The following CEP63 variants were observed in gnomAD, a reference collection of about 807,000 sequenced individuals.
The protein encoded by CEP63 is centrosomal protein 63.
A neutral mutation model predicts 89.1 loss-of-function variants in CEP63; 84 were observed. The observed-to-expected ratio is 0.94, with a 90% CI of 0.79 to 1.13. The LOEUF (loss-of-function observed/expected upper bound fraction) is 1.13, where lower values mean the gene tolerates loss of function less well. Ranked by LOEUF, CEP63 falls within the 50% of genes most tolerant of loss-of-function variation. The pLI, the probability that CEP63 is intolerant of heterozygous loss-of-function variation, is 0.00. For missense variants in CEP63, 838 were observed against 813.3 expected, an observed-to-expected ratio of 1.03 and a Z score of -0.37; for synonymous variants, 267 against 272.5, an observed-to-expected ratio of 0.98 and a Z score of 0.20.
At chr3:134,681,641 ATCCAT>A in the CEP63 span, among the ~76,000 whole-genome samples, 2 of 152,242 alleles carry the variant, frequency 1.3e-5, no homozygotes, top group East Asian at 3.9e-4. Context: ...TTTGGAGTTT[ATCCAT>A]TCCTGCGGAG....
chr3:134,677,345 T>TG, the CEP63 span, among the ~76,000 whole-genome samples: 12 of 152,354 alleles, frequency 7.9e-5, no homozygotes, highest in South Asian at 2.3e-3. Context: ...CATCCACACT[T>TG]GCTGTTTCCG....
the CEP63 span, among the ~76,000 whole-genome samples, chr3:134,596,573 A>C: frequency 6.6e-6 from 1 of 152,222 alleles, no homozygotes; most frequent in Admixed American, 6.5e-5. Flanking sequence ...GACCTGGTGA[A>C]ATGGGAACAT....
At chr3:134,488,714 G>A (rs1936559688) in intron 1 of CEP63, among the ~76,000 whole-genome samples, 1 of 152,190 alleles carries the variant, frequency 6.6e-6, no homozygotes, top group Non-Finnish European at 1.5e-5. Flanking sequence ...TGTCGGTGTT[G>A]AGAAATTGTC....
chr3:134,643,296 G>C, the CEP63 span: 1 of 1,613,042 alleles, frequency 6.2e-7, no homozygotes, highest in Non-Finnish European at 8.5e-7. Context: ...GGAGGTCACG[G>C]CTAGCGGCGA....
intron 10 of CEP63, among the ~76,000 whole-genome samples, chr3:134,585,554 A>G (rs1958466816): frequency 6.6e-6 from 1 of 152,104 alleles, no homozygotes; most frequent in Admixed American, 6.6e-5. Flanking sequence ...GTAGTCTGAG[A>G]GATAGTTTGT....
At chr3:134,697,281 C>T in the CEP63 span, among the ~76,000 whole-genome samples, 1 of 151,684 alleles carries the variant, frequency 6.6e-6, no homozygotes, top group Non-Finnish European at 1.5e-5. Context: ...TAAAGAAGAA[C>T]TTTTTTTTTG....
intron 3 of CEP63, among the ~76,000 whole-genome samples, chr3:134,516,598 CG>C (rs1559918373): frequency 1.3e-5 from 2 of 152,290 alleles, no homozygotes; most frequent in East Asian, 3.9e-4. Flanking sequence ...GAGGTCCCTG[CG>C]GCATTTGTGT....
intron 3 of CEP63, among the ~76,000 whole-genome samples, chr3:134,527,379 T>C (rs879590580): frequency 2.0e-5 from 3 of 152,076 alleles, no homozygotes; most frequent in Non-Finnish European, 2.9e-5. Flanking sequence ...TCTCTGTGCC[T>C]AGTTTCACTC....
chr3:134,531,793 G>A, intron 3 of CEP63, 52 bp from the exon 4 acceptor site: 2 of 1,217,536 alleles, frequency 1.6e-6, no homozygotes, highest in Non-Finnish European at 1.2e-6. Context: ...ATATCTCAGG[G>A]ATGTTATTTC....
At position 134,550,090 on chromosome 3, in the gene CEP63, C is replaced by A. The variant is rs756951738; in HGVS notation, c.1210C>A (p.Gln404Lys). ...GAAAGAACAGATTTTACAGGGTGAA[C>A]AAAGTTACAGTTCTGCACTAGAAGG... The part of the protein sequence containing the change: ...KLKEQILQGE[Q>K]SYSSALEGMK... The change falls in exon 11 of 15, where the codon CAA becomes AAA. Residue 404 changes from glutamine to lysine, a missense_variant. Transcript: ENST00000675561. 7 of 1,613,730 alleles carry A rather than the reference C, an allele frequency of 4.3e-6. No individual in the cohort carries two copies. The South Asian group carries it at 7.7e-5, about 18-fold the overall frequency.
chr3:134,495,204 G>A, intron 1 of CEP63, 92 bp from the exon 2 acceptor site: 2 of 902,440 alleles, frequency 2.2e-6, no homozygotes, highest in East Asian at 2.4e-5. Flanking sequence ...TCATTATTAT[G>A]TATGCTTTCA....
chr3:134,663,451 AG>A, the CEP63 span, among the ~76,000 whole-genome samples: 2 of 152,212 alleles, frequency 1.3e-5, no homozygotes, highest in Non-Finnish European at 2.9e-5. Context: ...AGTAAGGATA[AG>A]GCAGAGGCTG....
chr3:134,735,268 T>A, the CEP63 span, among the ~76,000 whole-genome samples: 2 of 152,140 alleles, frequency 1.3e-5, no homozygotes, highest in African/African-American at 2.4e-5. Context: ...CACAGATCAA[T>A]GAATTTGTTC....
Position 134,564,742 on chromosome 3 carries a change from T to TTA in CEP63, c.*3208_*3209dup, listed in dbSNP as rs1263555122. On this transcript the variant is annotated 3_prime_UTR_variant, in exon 15 of 15. Coordinates refer to ENST00000675561, the MANE Select transcript of CEP63 (RefSeq NM_001353108.3). Reference sequence around the variant, plus strand: ...GTTACATTCAGGAGATTTCTGAGTTTTAGACAGTCCCAAGCTTCAGCTTAA... The same window carrying TTA: ...GTTACATTCAGGAGATTTCTGAGTTTTATAGACAGTCCCAAGCTTCAGCTTAA... The TTA allele has an allele frequency of 2.0e-6, 2 of 985,348 alleles. No homozygotes were observed. Among genetic ancestry groups the TTA allele is most frequent in the Admixed American group, 1.2e-4 (2 of 16,274 alleles). 61.0% of individuals were successfully genotyped at this position (985,348 alleles called of 1,614,324 possible). A position where few individuals can be genotyped will look rare whatever the true frequency, so the allele number is the denominator to read the frequency against.
the CEP63 span, chr3:134,650,883 T>G: frequency 6.2e-7 from 1 of 1,612,880 alleles, no homozygotes; most frequent in Non-Finnish European, 8.5e-7. Context: ...GCGTACCCTG[T>G]GCGGCGCGCC....
chr3:134,600,862 C>A, the CEP63 span: 1 of 152,240 alleles, frequency 6.6e-6, no homozygotes, highest in Admixed American at 6.5e-5. Context: ...ACAAAGATGT[C>A]CTCCGTGTAC....
At chr3:134,613,698 A>G in the CEP63 span, among the ~76,000 whole-genome samples, 1 of 152,130 alleles carries the variant, frequency 6.6e-6, no homozygotes, top group Non-Finnish European at 1.5e-5. Flanking sequence ...GCCATGCTTG[A>G]CTCTGATATG....
At chr3:134,723,173 C>T in the CEP63 span, among the ~76,000 whole-genome samples, 1 of 152,154 alleles carries the variant, frequency 6.6e-6, no homozygotes, top group African/African-American at 2.4e-5. Flanking sequence ...TAATTTTTCA[C>T]CCCTCCCTGT....
At chr3:134,740,814 G>A in the CEP63 span, among the ~76,000 whole-genome samples, 1 of 152,154 alleles carries the variant, frequency 6.6e-6, no homozygotes, top group African/African-American at 2.4e-5. Context: ...AACGAGGGCC[G>A]ACCCCAGGGA....
Sources: gnomAD v4.1 joint callset for allele counts (sites outside exome capture counted in the v4.1 genomes callset) on GRCh38, gnomAD v4.1.1 for gene constraint, MANE v1.5 for transcripts, NCBI Gene and HGNC (gene_info 2026-07-23, HGNC 2026-07-21) for gene names.